The following ADGRL2 variants were observed in gnomAD, a reference collection of about 807,000 sequenced individuals.
ADGRL2 encodes calcium-independent alpha-latrotoxin receptor 2.
Under a neutral mutation model 157.4 loss-of-function variants are expected in ADGRL2, and 44 were observed. The ratio of observed to expected loss-of-function variants is 0.28; its 90% confidence interval spans 0.22 to 0.36. The LOEUF (loss-of-function observed/expected upper bound fraction) is 0.36. Among genes scored for constraint, ADGRL2 ranks in the 10% least tolerant of loss-of-function variants. The pLI is 1.00. For missense variants in ADGRL2, 1,510 were observed against 1,768.9 expected (o/e 0.85, Z 2.63); for synonymous variants, 585 against 624.7 (o/e 0.94, Z 0.95).
intron 2 of ADGRL2, among the ~76,000 whole-genome samples, chr1:81,456,542 T>C (rs950453498): frequency 6.6e-6 from 1 of 152,146 alleles, no homozygotes; most frequent in Admixed American, 6.5e-5. Context: ...CTGATCCCAC[T>C]TTTTATTCAA....
chr1:81,811,465 T>G (rs1015173006), intron 1 of ADGRL2, among the ~76,000 whole-genome samples: 1 of 151,462 alleles, frequency 6.6e-6, no homozygotes, highest in Non-Finnish European at 1.5e-5. Flanking sequence ...CAGCAACACG[T>G]TTTTTATAAC....
At chr1:81,668,151 A>T (rs1251127239) in intron 3 of ADGRL2, among the ~76,000 whole-genome samples, 1 of 152,166 alleles carries the variant, frequency 6.6e-6, no homozygotes, top group East Asian at 1.9e-4. Flanking sequence ...GACCAGGCTC[A>T]GAGGTTCATG....
At chr1:81,981,640 A>C (rs1661699054) in intron 18 of ADGRL2, among the ~76,000 whole-genome samples, 168 bp from the exon 19 acceptor site, 1 of 151,970 alleles carries the variant, frequency 6.6e-6, no homozygotes, top group East Asian at 1.9e-4. Flanking sequence ...TGCAGTACTA[A>C]ATGCTATTGT....
At chr1:81,990,101 A>T (rs1664277695) in intron 23 of ADGRL2, 3 of 985,236 alleles carry the variant, frequency 3.0e-6, no homozygotes, top group Non-Finnish European at 2.4e-6. Context: ...TGTGTCAGAG[A>T]TTTGACCAAA....
At chr1:81,642,925 T>C (rs2082248245) in intron 3 of ADGRL2, among the ~76,000 whole-genome samples, 1 of 152,194 alleles carries the variant, frequency 6.6e-6, no homozygotes, top group Non-Finnish European at 1.5e-5. Context: ...AGATAGGAAC[T>C]TCTTTAATTT....
At chr1:81,957,650 A>G (rs1653973277) in intron 11 of ADGRL2, among the ~76,000 whole-genome samples, 1 of 152,072 alleles carries the variant, frequency 6.6e-6, no homozygotes, top group African/African-American at 2.4e-5. Flanking sequence ...GAGAGGTTGC[A>G]GTGAGCTGAG....
chr1:81,495,419 G>T (rs911596840), intron 2 of ADGRL2, among the ~76,000 whole-genome samples: 4 of 152,128 alleles, frequency 2.6e-5, no homozygotes, highest in South Asian at 4.1e-4. Context: ...ATATTTTCAA[G>T]TTTGTCAGTA....
intron 1 of ADGRL2, among the ~76,000 whole-genome samples, chr1:81,821,070 T>G (rs1044831590): frequency 1.3e-5 from 2 of 152,146 alleles, no homozygotes; most frequent in Non-Finnish European, 2.9e-5. Context: ...ATGCATAAGG[T>G]AATCAGCATG....
chr1:81,601,616 A>T (rs989557580), intron 3 of ADGRL2, among the ~76,000 whole-genome samples: 2 of 152,222 alleles, frequency 1.3e-5, no homozygotes, highest in African/African-American at 4.8e-5. Context: ...AGAGAGAGAG[A>T]GAAGAAGAAA....
At chr1:81,350,421 A>G (rs567425472) in intron 1 of ADGRL2, among the ~76,000 whole-genome samples, 1 of 152,338 alleles carries the variant, frequency 6.6e-6, no homozygotes, top group Non-Finnish European at 1.5e-5. Flanking sequence ...ATTAAATTAG[A>G]TCTTCAAGGA....
intron 1 of ADGRL2, among the ~76,000 whole-genome samples, chr1:81,749,673 C>T (rs2085424729): frequency 6.6e-6 from 1 of 152,146 alleles, no homozygotes; most frequent in Non-Finnish European, 1.5e-5. Flanking sequence ...TTGAATAAAA[C>T]TATGCTTGTT....
chr1:81,325,612 C>A (rs1480284150), intron 1 of ADGRL2, among the ~76,000 whole-genome samples: 1 of 152,216 alleles, frequency 6.6e-6, no homozygotes, highest in South Asian at 2.1e-4. Flanking sequence ...GCCAGCCCCA[C>A]ACCCAAATGA....
intron 3 of ADGRL2, among the ~76,000 whole-genome samples, chr1:81,639,705 A>G (rs991218496): frequency 6.6e-6 from 1 of 152,162 alleles, no homozygotes; most frequent in Non-Finnish European, 1.5e-5. Flanking sequence ...TATTTTTTCC[A>G]AGAAGACATA....
chr1:81,966,716 G>C (rs1266894531), intron 13 of ADGRL2, 107 bp downstream of exon 13: 23 of 908,100 alleles, frequency 2.5e-5, no homozygotes, highest in Non-Finnish European at 4.1e-5. Context: ...AGATGGGAGG[G>C]AGGAAAGACA....
At chr1:81,539,028 A>AAAAG (rs1553121682) in intron 2 of ADGRL2, among the ~76,000 whole-genome samples, 1 of 144,838 alleles carries the variant, frequency 6.9e-6, no homozygotes. Flanking sequence ...AAAAAAAAAA[A>AAAAG]GACAACATAA....
chr1:81,646,971 C>A (rs1177994711), intron 3 of ADGRL2, among the ~76,000 whole-genome samples: 3 of 152,136 alleles, frequency 2.0e-5, no homozygotes, highest in African/African-American at 7.2e-5. Flanking sequence ...AGTCAACAAA[C>A]AAAACAACAT....
intron 3 of ADGRL2, among the ~76,000 whole-genome samples, chr1:81,633,943 TATC>T (rs2082063080): frequency 6.6e-6 from 1 of 152,150 alleles, no homozygotes. Flanking sequence ...GGGCTAGAGA[TATC>T]ATTTGAAAGA....
At chr1:81,464,492 ACTTC>A (rs1388615565) in intron 2 of ADGRL2, among the ~76,000 whole-genome samples, 1 of 152,156 alleles carries the variant, frequency 6.6e-6, no homozygotes, top group Non-Finnish European at 1.5e-5. Flanking sequence ...TTATTAATGA[ACTTC>A]CAGTCGTTAT....
rs1557470827 is a variant in ADGRL2 at position 81,570,373 on chromosome 1, C to CGTTT, written c.-247-10503_-247-10502insGTTT. Among the ~76,000 whole-genome samples the CGTTT allele has an allele frequency of 1.6e-3, 239 of 151,882 alleles. 2 individuals carry two copies. Among genetic ancestry groups the CGTTT allele is most frequent in the African/African-American group, 5.5e-3 (227 of 41,514 alleles). On this transcript the variant is annotated intron_variant, in intron 2 of 24. Transcript: ENST00000370721. ...CATATTTTTAACATGGAGGATATTA[C>CGTTT]ATTCGTTTGTTTGTTTGTTTGTTTG... is the stretch of plus-strand genomic sequence containing the variant.
Sources: allele counts gnomAD v4.1 joint callset (sites outside exome capture counted in the v4.1 genomes callset), GRCh38; gene constraint gnomAD v4.1.1; transcripts MANE v1.5; gene names NCBI Gene and HGNC (gene_info 2026-07-23, HGNC 2026-07-21).